Variants in TENM3 observed in about 807,000 individuals in gnomAD.
TENM3 encodes teneurin transmembrane protein 3.
A neutral mutation model predicts 255.1 loss-of-function variants in TENM3; 63 were observed. The observed-to-expected ratio is 0.25, with a 90% CI of 0.20 to 0.30. TENM3 has a LOEUF of 0.30. Ranked by LOEUF, TENM3 falls within the 10% of genes least tolerant of loss-of-function variation. The probability of loss-of-function intolerance (pLI) is 1.00; values close to 1 mark genes in which losing one functional copy is unlikely to be tolerated. For missense variants in TENM3, 2,929 were observed against 3,461.1 expected, an observed-to-expected ratio of 0.85 and a Z score of 3.86; for synonymous variants, 1,306 against 1,322.3, an observed-to-expected ratio of 0.99 and a Z score of 0.27.
chr4:181,746,695 T>C, the TENM3 span, among the ~76,000 whole-genome samples: 5 of 152,272 alleles, frequency 3.3e-5, no homozygotes, highest in African/African-American at 1.2e-4. Flanking sequence ...GAAATCTATT[T>C]GCCTCTCTTT....
intron 1 of TENM3, among the ~76,000 whole-genome samples, chr4:182,268,960 T>C (rs760944890): frequency 1.4e-4 from 22 of 152,172 alleles, no homozygotes; most frequent in Non-Finnish European, 2.4e-4. Flanking sequence ...CTGAATTCTT[T>C]CTTGTGTGAG....
At chr4:182,674,870 CTATTTTATTT>C (rs919094327) in intron 7 of TENM3, among the ~76,000 whole-genome samples, 1 of 151,400 alleles carries the variant, frequency 6.6e-6, no homozygotes, top group African/African-American at 2.4e-5. Flanking sequence ...CGCGTCTGGG[CTATTTTATTT>C]TATTTTATTG....
At chr4:181,641,431 G>A in the TENM3 span, among the ~76,000 whole-genome samples, 1 of 150,358 alleles carries the variant, frequency 6.7e-6, no homozygotes, top group South Asian at 2.1e-4. Context: ...AGAACATGCG[G>A]TGTTTGGTTT....
chr4:181,946,382 C>A, the TENM3 span, among the ~76,000 whole-genome samples: 1 of 152,226 alleles, frequency 6.6e-6, no homozygotes, highest in African/African-American at 2.4e-5. Context: ...AGAAGGATAT[C>A]TCACATCTCA....
intron 3 of TENM3, among the ~76,000 whole-genome samples, chr4:182,387,775 C>T (rs1001369353): frequency 5.9e-5 from 9 of 151,740 alleles, no homozygotes; most frequent in East Asian, 1.9e-4. Flanking sequence ...GAAAAAACTC[C>T]GAACACATCC....
chr4:182,259,557 T>A (rs917003078), intron 1 of TENM3, among the ~76,000 whole-genome samples: 1 of 152,128 alleles, frequency 6.6e-6, no homozygotes, highest in African/African-American at 2.4e-5. Flanking sequence ...AAGCAAGCAT[T>A]CTGCCTCTGC....
intron 1 of TENM3, among the ~76,000 whole-genome samples, chr4:182,251,734 C>T (rs1003037842): frequency 1.3e-5 from 2 of 152,180 alleles, no homozygotes; most frequent in African/African-American, 4.8e-5. Context: ...TACATGCTGA[C>T]ACTGTGTATC....
chr4:181,867,254 A>G, the TENM3 span, among the ~76,000 whole-genome samples: 66 of 152,258 alleles, frequency 4.3e-4, no homozygotes, highest in African/African-American at 1.5e-3. Flanking sequence ...AAACTGAAAT[A>G]CATCAAATTT....
At chr4:182,432,577 T>C (rs1771739640) in intron 3 of TENM3, among the ~76,000 whole-genome samples, 1 of 152,148 alleles carries the variant, frequency 6.6e-6, no homozygotes, top group Admixed American at 6.5e-5. Context: ...TGACCAACCT[T>C]GAGGGGACAG....
At position 182,793,173 on chromosome 4, in the gene TENM3, T is replaced by C. The variant is rs1306969923; in HGVS notation, c.6501T>C (p.Ser2167=). The change falls in exon 26 of 28, where the codon AGT becomes AGC. Residue 2167 remains serine, a synonymous_variant. Transcript: ENST00000511685. The surrounding 1 kb of genome is among the most constrained non-coding windows in gnomAD (Gnocchi z 5.7). ...GNLHLLNPSN[S]ARLTPLRYDL... is the part of the protein sequence containing the mutation. ...TCCATTTACTGAACCCAAGTAACAG[T>C]GCGCGTCTGACACCCCTTCGCTATG... The C allele has an allele frequency of 8.1e-6, 13 of 1,613,882 alleles. No homozygotes were observed. The highest frequency in any genetic ancestry group is 1.3e-5 in the African/African-American group (1 of 74,928).
chr4:181,671,985 C>T, the TENM3 span, among the ~76,000 whole-genome samples: 41 of 152,292 alleles, frequency 2.7e-4, no homozygotes, highest in African/African-American at 9.4e-4. Context: ...AAAAAGATAA[C>T]ATCTCTTGAA....
intron 1 of TENM3, among the ~76,000 whole-genome samples, chr4:182,159,913 T>C (rs1750993912): frequency 6.6e-6 from 1 of 152,232 alleles, no homozygotes; most frequent in South Asian, 2.1e-4. Context: ...AGAGAAAATT[T>C]ACTTAGACAC....
At chr4:181,483,628 G>A in the TENM3 span, among the ~76,000 whole-genome samples, 3 of 152,092 alleles carry the variant, frequency 2.0e-5, no homozygotes, top group African/African-American at 7.2e-5. Context: ...ATTTTTCTCA[G>A]ACATGGTTTT....
chr4:182,571,203 C>T (rs1744323611), intron 3 of TENM3, among the ~76,000 whole-genome samples: 1 of 152,132 alleles, frequency 6.6e-6, no homozygotes, highest in Admixed American at 6.5e-5. Flanking sequence ...TGAGGACATG[C>T]CCTGTTCATG....
At chr4:182,665,025 G>T (rs991549652) in intron 6 of TENM3, among the ~76,000 whole-genome samples, 1 of 152,196 alleles carries the variant, frequency 6.6e-6, no homozygotes. Context: ...ACACTAAACA[G>T]ATTTTCAATG....
chr4:182,205,082 C>A (rs529529835), intron 1 of TENM3, among the ~76,000 whole-genome samples: 7 of 152,146 alleles, frequency 4.6e-5, no homozygotes, highest in African/African-American at 1.7e-4. Context: ...CAGTAAAATA[C>A]GGTTTGAGAA....
At chr4:181,671,208 T>G in the TENM3 span, among the ~76,000 whole-genome samples, 1 of 152,268 alleles carries the variant, frequency 6.6e-6, no homozygotes, top group East Asian at 1.9e-4. Context: ...AAAATTATGG[T>G]CAACTTACCT....
At chr4:181,878,155 G>A in the TENM3 span, among the ~76,000 whole-genome samples, 10 of 152,272 alleles carry the variant, frequency 6.6e-5, no homozygotes, top group South Asian at 1.2e-3. Context: ...AGAATTCACT[G>A]AAAATGACTG....
At chr4:182,253,288 A>G (rs1758152562) in intron 1 of TENM3, among the ~76,000 whole-genome samples, 1 of 152,172 alleles carries the variant, frequency 6.6e-6, no homozygotes, top group Non-Finnish European at 1.5e-5. Context: ...CCTGGCCAAC[A>G]TGGTGAAACC....
Sources: allele counts gnomAD v4.1 joint callset (sites outside exome capture counted in the v4.1 genomes callset), GRCh38; gene constraint gnomAD v4.1.1; non-coding constraint Gnocchi (gnomAD v3.1); transcripts MANE v1.5; gene names NCBI Gene and HGNC (gene_info 2026-07-23, HGNC 2026-07-21).